Variants in STXBP6 observed in about 807,000 individuals in gnomAD.
STXBP6 encodes syntaxin binding protein 6.
A neutral mutation model predicts 26.9 loss-of-function variants in STXBP6; 21 were observed. That is an observed-to-expected ratio of 0.78 (90% CI 0.55 to 1.12). STXBP6 has a LOEUF of 1.12. Among genes scored for constraint, STXBP6 ranks in the 50% most tolerant of loss-of-function variants. The pLI is 0.00. For synonymous variants in STXBP6, 97 were observed against 92.6 expected (o/e 1.05, Z -0.27); for missense variants, 232 against 257.9 (o/e 0.90, Z 0.69).
intron 4 of STXBP6, among the ~76,000 whole-genome samples, chr14:24,838,872 C>A (rs754748661): frequency 6.6e-6 from 1 of 151,934 alleles, no homozygotes; most frequent in African/African-American, 2.4e-5. Flanking sequence ...TACTTCTTAT[C>A]GATTTGAAAA....
intron 1 of STXBP6, among the ~76,000 whole-genome samples, chr14:24,986,530 G>A (rs1183715817): frequency 6.6e-6 from 1 of 152,178 alleles, no homozygotes; most frequent in Non-Finnish European, 1.5e-5. Context: ...CAGGAGCCTG[G>A]ATCAGCTGTT....
intron 2 of STXBP6, among the ~76,000 whole-genome samples, chr14:24,902,753 C>T (rs919501940): frequency 8.5e-5 from 13 of 152,088 alleles, no homozygotes; most frequent in African/African-American, 3.1e-4. Flanking sequence ...AATAAAACCC[C>T]ATAATATCTC....
At chr14:25,032,294 G>C (rs912610917) in intron 1 of STXBP6, among the ~76,000 whole-genome samples, 1 of 152,086 alleles carries the variant, frequency 6.6e-6, no homozygotes, top group African/African-American at 2.4e-5. Context: ...TCCATCATCC[G>C]ACATCGCTCG....
At chr14:24,915,245 T>C (rs1352411159) in intron 2 of STXBP6, among the ~76,000 whole-genome samples, 1 of 152,150 alleles carries the variant, frequency 6.6e-6, no homozygotes, top group Non-Finnish European at 1.5e-5. Flanking sequence ...ATTTCAACTA[T>C]GGTTCAGGAT....
intron 2 of STXBP6, among the ~76,000 whole-genome samples, chr14:24,971,154 T>G (rs1285773802): frequency 6.6e-6 from 1 of 152,184 alleles, no homozygotes; most frequent in Non-Finnish European, 1.5e-5. Flanking sequence ...CAGAGGATAT[T>G]TAAACCGCTC....
chr14:24,921,419 CT>C (rs2139814809), intron 2 of STXBP6, among the ~76,000 whole-genome samples: 1 of 152,254 alleles, frequency 6.6e-6, no homozygotes, highest in South Asian at 2.1e-4. Context: ...TTTACTAAAA[CT>C]TTCCAATATC....
chr14:24,969,653 T>C (rs778536977), intron 2 of STXBP6, among the ~76,000 whole-genome samples: 30 of 152,334 alleles, frequency 2.0e-4, no homozygotes, highest in Non-Finnish European at 4.1e-4. Context: ...TTGAGCAATG[T>C]GCTGGGTGCT....
intron 2 of STXBP6, among the ~76,000 whole-genome samples, chr14:24,930,731 G>A (rs951938211): frequency 1.3e-5 from 2 of 152,116 alleles, no homozygotes; most frequent in African/African-American, 4.8e-5. Flanking sequence ...TCTTAAAATG[G>A]TTATTACACT....
At chr14:24,946,892 G>C (rs571560043) in intron 2 of STXBP6, among the ~76,000 whole-genome samples, 2 of 152,252 alleles carry the variant, frequency 1.3e-5, no homozygotes, top group Non-Finnish European at 2.9e-5. Flanking sequence ...GAAGGGGCTA[G>C]CCTTTGTAAA....
chr14:24,812,977 C>A (rs560716763), intron 5 of STXBP6, among the ~76,000 whole-genome samples: 3 of 144,002 alleles, frequency 2.1e-5, no homozygotes, highest in Admixed American at 6.8e-5. Context: ...TGCATCCAGG[C>A]GGGAGGGAGT....
intron 2 of STXBP6, among the ~76,000 whole-genome samples, chr14:24,925,410 C>T (rs78042485): frequency 0.032 from 4,874 of 152,264 alleles, 204 homozygotes; most frequent in African/African-American, 0.1. Context: ...CAAGTAATTA[C>T]AGAGGCAAAA....
chr14:24,961,778 T>C (rs555079652), intron 2 of STXBP6, among the ~76,000 whole-genome samples: 2 of 151,402 alleles, frequency 1.3e-5, no homozygotes, highest in South Asian at 4.2e-4. Context: ...CCTGCACGTG[T>C]ACCCTGTAAA....
intron 2 of STXBP6, among the ~76,000 whole-genome samples, chr14:24,876,195 G>T (rs75146252): frequency 6.6e-6 from 1 of 152,114 alleles, no homozygotes; most frequent in Non-Finnish European, 1.5e-5. Flanking sequence ...TAACCGGGAA[G>T]GCCTGCCTTA....
intron 2 of STXBP6, among the ~76,000 whole-genome samples, chr14:24,869,779 T>C (rs2069862057): frequency 1.3e-5 from 2 of 152,278 alleles, no homozygotes; most frequent in Admixed American, 1.3e-4. Context: ...TAGAGATTAT[T>C]CTGATAAAGC....
intron 4 of STXBP6, among the ~76,000 whole-genome samples, chr14:24,846,621 A>G (rs555472392): frequency 6.6e-6 from 1 of 152,334 alleles, no homozygotes; most frequent in East Asian, 1.9e-4. Flanking sequence ...ATTTTTTAGT[A>G]TAAATATGCT....
Position 24,819,064 on chromosome 14 carries a change from G to T in STXBP6, c.582C>A (p.Ala194=), listed in dbSNP as rs1407532044. 6.2e-7 allele frequency: 1 copy of T among 1,608,298 alleles called. No homozygotes were observed. Among genetic ancestry groups the T allele is most frequent in the African/African-American group, 1.3e-5 (1 of 74,784 alleles). The change falls in exon 5 of 6, where the codon GCC becomes GCA. Residue 194 remains alanine (A), a synonymous_variant. Transcript: ENST00000323944. ...EEKTEDLKNS[A]QQFAETAHKL... Reference sequence around the variant, plus strand: ...TGTGCGCAGTTTCTGCAAACTGCTGGGCGCTGTTCTTCAGGTCTTCTGTCT... The same window carrying T: ...TGTGCGCAGTTTCTGCAAACTGCTGTGCGCTGTTCTTCAGGTCTTCTGTCT...
Position 24,810,871 on chromosome 14 carries a change from G to GTGTC in STXBP6, c.*1837_*1838insGACA, listed in dbSNP as rs1009837747. 28 of 148,940 alleles carry GTGTC rather than the reference G, an allele frequency of 1.9e-4. No individual in the cohort carries two copies. Among genetic ancestry groups the GTGTC allele is most frequent in the African/African-American group, 7.1e-4 (28 of 39,422 alleles). The allele number at this position is 148,940 out of a possible 1,614,324, so 9.2% of individuals were successfully genotyped here. A position where few individuals can be genotyped will look rare whatever the true frequency, so the allele number is the denominator to read the frequency against. On this transcript the variant is annotated 3_prime_UTR_variant, in exon 6 of 6. Transcript: ENST00000323944. ...TGGAAAGATAAATACATCTCTGTGTGTGTGTGTGTGTGTGTGTGTGTGTGT... is the reference window on the plus strand; with the variant it reads ...TGGAAAGATAAATACATCTCTGTGTGTGTCTGTGTGTGTGTGTGTGTGTGTGTGT...
chr14:25,011,496 G>C (rs548220355), intron 1 of STXBP6, among the ~76,000 whole-genome samples: 1 of 152,138 alleles, frequency 6.6e-6, no homozygotes, highest in African/African-American at 2.4e-5. Flanking sequence ...AGCTAATGTT[G>C]TTCATTAGCC....
intron 1 of STXBP6, among the ~76,000 whole-genome samples, chr14:25,021,550 A>G (rs930377457): frequency 6.6e-6 from 1 of 152,100 alleles, no homozygotes; most frequent in Non-Finnish European, 1.5e-5. Context: ...ATCACTCACT[A>G]TAACACCTCC....
Sources: gnomAD v4.1 joint callset for allele counts (sites outside exome capture counted in the v4.1 genomes callset) on GRCh38, gnomAD v4.1.1 for gene constraint, MANE v1.5 for transcripts, NCBI Gene and HGNC (gene_info 2026-07-23, HGNC 2026-07-21) for gene names.